The following REPS2 variants were observed in gnomAD, a reference collection of about 807,000 sequenced individuals.
The protein encoded by REPS2 is ralBP1-associated Eps domain-containing protein 2.
In REPS2, 23 loss-of-function variants were observed where a neutral mutation model predicts 53.6. The observed-to-expected ratio is 0.43, with a 90% CI of 0.31 to 0.61. The LOEUF is 0.61. Among genes scored for constraint, REPS2 ranks in the 20% least tolerant of loss-of-function variants. REPS2 has a pLI of 0.11. For missense variants in REPS2, 446 were observed against 534.9 expected (o/e 0.83, Z 1.64); for synonymous variants, 238 against 218.6 (o/e 1.09, Z -0.78).
At chrX:17,016,291 A>G (rs767058661) in intron 2 of REPS2, among the ~76,000 whole-genome samples, 4 of 112,784 alleles carry the variant, frequency 3.5e-5, no homozygotes, top group Non-Finnish European at 7.5e-5. Flanking sequence ...TTTGGTCACA[A>G]CTACTCAACC....
the REPS2 span, among the ~76,000 whole-genome samples, chrX:17,168,423 A>AG: frequency 3.6e-5 from 4 of 111,298 alleles, no homozygotes; most frequent in African/African-American, 1.3e-4. Flanking sequence ...CTGAGGTGGG[A>AG]GGATCTCTTG....
intron 13 of REPS2, among the ~76,000 whole-genome samples, chrX:17,090,139 C>T (rs1331428744): frequency 8.9e-6 from 1 of 112,195 alleles, no homozygotes; most frequent in Non-Finnish European, 1.9e-5. Flanking sequence ...TGATGTTGAG[C>T]ATCTTTTCAT....
intron 7 of REPS2, among the ~76,000 whole-genome samples, chrX:17,054,566 C>T (rs904366329): frequency 8.9e-6 from 1 of 111,846 alleles, no homozygotes; most frequent in Non-Finnish European, 1.9e-5. Context: ...TAAGACACAC[C>T]AACTAGGGAA....
At chrX:17,135,224 T>C (rs1295098238) in intron 15 of REPS2, 37 bp from the exon 16 acceptor site, 2 of 1,182,818 alleles carry the variant, frequency 1.7e-6, no homozygotes, top group East Asian at 3.0e-5. Context: ...ATTGAAATGT[T>C]TAACTTTTTA....
chrX:17,192,243 T>C, the REPS2 span, among the ~76,000 whole-genome samples: 1 of 112,509 alleles, frequency 8.9e-6, no homozygotes, highest in South Asian at 3.7e-4. Context: ...TTCTGTCTCT[T>C]TAACTCAAGT....
intron 5 of REPS2, among the ~76,000 whole-genome samples, chrX:17,031,204 A>C (rs2061705135): frequency 1.8e-5 from 2 of 112,151 alleles, no homozygotes; most frequent in African/African-American, 6.5e-5. Flanking sequence ...AGCTCTCCAA[A>C]ATGTGGCTGT....
chrX:17,182,948 A>G, the REPS2 span, among the ~76,000 whole-genome samples: 2 of 112,702 alleles, frequency 1.8e-5, no homozygotes, highest in African/African-American at 6.4e-5. Flanking sequence ...TCCAGAGTCC[A>G]TGATTTTAAT....
intron 1 of REPS2, among the ~76,000 whole-genome samples, chrX:16,983,381 C>A (rs1181168830): frequency 1.4e-4 from 16 of 111,929 alleles, no homozygotes; most frequent in South Asian, 3.7e-4. Context: ...GAATCATATA[C>A]CCTTTAAAAA....
intron 1 of REPS2, among the ~76,000 whole-genome samples, chrX:16,980,562 G>A (rs1349189400): frequency 8.9e-6 from 1 of 111,865 alleles, no homozygotes; most frequent in Non-Finnish European, 1.9e-5. Flanking sequence ...CGGCCAAAAT[G>A]CTGGGATTAC....
chrX:17,178,652 A>G, the REPS2 span, among the ~76,000 whole-genome samples: 10 of 111,939 alleles, frequency 8.9e-5, no homozygotes, highest in Non-Finnish European at 1.9e-4. Context: ...TGGATAGGCC[A>G]GGCGCGGTGG....
chrX:17,141,178 C>T (rs2063441984), intron 17 of REPS2, among the ~76,000 whole-genome samples: 1 of 112,110 alleles, frequency 8.9e-6, no homozygotes, highest in Non-Finnish European at 1.9e-5. Context: ...CAGGAAGCTC[C>T]CTCATGCTTT....
intron 2 of REPS2, among the ~76,000 whole-genome samples, chrX:17,009,623 CCAGGCTGGTCT>C (rs1160574866): frequency 9.0e-6 from 1 of 110,918 alleles, no homozygotes; most frequent in African/African-American, 3.3e-5. Context: ...GTTATGTTTC[CCAGGCTGGTCT>C]CAAACTGCTG....
chrX:16,975,207 T>G (rs1602567280), intron 1 of REPS2, among the ~76,000 whole-genome samples: 1 of 112,363 alleles, frequency 8.9e-6, no homozygotes, highest in African/African-American at 3.2e-5. Context: ...GGTAGAATGA[T>G]TTATATTCCT....
intron 1 of REPS2, among the ~76,000 whole-genome samples, chrX:16,992,294 A>G (rs1386395132): frequency 1.8e-5 from 2 of 111,481 alleles, no homozygotes; most frequent in Admixed American, 1.9e-4. Context: ...AGCCCTCACT[A>G]TACACTGAAT....
intron 1 of REPS2, among the ~76,000 whole-genome samples, chrX:16,962,673 T>C (rs1003531056): frequency 8.9e-6 from 1 of 111,910 alleles, no homozygotes. Context: ...TTACCTCTTC[T>C]CCCCACAAAG....
At chrX:17,051,300 A>G (rs1181820450) in intron 6 of REPS2, among the ~76,000 whole-genome samples, 1 of 111,871 alleles carries the variant, frequency 8.9e-6, no homozygotes, top group African/African-American at 3.3e-5. Context: ...CAGCTATTGT[A>G]AACAGTGCTG....
chrX:17,036,481 A>T (rs900051756), intron 5 of REPS2, among the ~76,000 whole-genome samples: 1 of 111,258 alleles, frequency 9.0e-6, no homozygotes, highest in African/African-American at 3.3e-5. Flanking sequence ...TTTCCTTTGG[A>T]CCAGAGATAT....
At chrX:16,994,192 C>T (rs2061197049) in intron 1 of REPS2, among the ~76,000 whole-genome samples, 1 of 112,465 alleles carries the variant, frequency 8.9e-6, no homozygotes, top group African/African-American at 3.2e-5. Flanking sequence ...CCGTGTGCCA[C>T]GTGTTTATAG....
At chrX:17,017,733 C>T (rs1193731340) in intron 2 of REPS2, among the ~76,000 whole-genome samples, 1 of 111,786 alleles carries the variant, frequency 8.9e-6, no homozygotes, top group Non-Finnish European at 1.9e-5. Context: ...TTTCTGGCCA[C>T]AATGGCTCAC....
Sources: allele counts gnomAD v4.1 joint callset (sites outside exome capture counted in the v4.1 genomes callset), GRCh38; gene constraint gnomAD v4.1.1; transcripts MANE v1.5; gene names NCBI Gene and HGNC (gene_info 2026-07-23, HGNC 2026-07-21).